LRRTM3: variants seen among roughly 807,000 people sequenced by gnomAD.
LRRTM3 encodes leucine rich repeat transmembrane neuronal 3.
A neutral mutation model predicts 44.7 loss-of-function variants in LRRTM3; 24 were observed. That is an observed-to-expected ratio of 0.54 (90% CI 0.39 to 0.76). The LOEUF (loss-of-function observed/expected upper bound fraction) is 0.76. Ranked by LOEUF, LRRTM3 falls within the 30% of genes least tolerant of loss-of-function variation. LRRTM3 has a pLI of 0.00. For synonymous variants in LRRTM3, 277 were observed against 278.7 expected (o/e 0.99, Z 0.06); for missense variants, 587 against 702.2 (o/e 0.84, Z 1.85).
At chr10:66,950,409 A>G (rs1334262251) in intron 2 of LRRTM3, among the ~76,000 whole-genome samples, 6 of 152,088 alleles carry the variant, frequency 3.9e-5, no homozygotes, top group Admixed American at 3.9e-4. Context: ...GAGATATACT[A>G]TATGTTTAAT....
intron 2 of LRRTM3, among the ~76,000 whole-genome samples, chr10:67,097,060 T>C (rs1858038669): frequency 6.6e-6 from 1 of 151,874 alleles, no homozygotes; most frequent in Non-Finnish European, 1.5e-5. Context: ...ATATAGGAAC[T>C]TGTAAGACAT....
chr10:67,042,813 A>G lies in LRRTM3; in HGVS notation c.1537-54774A>G, dbSNP rs564054573. Among the ~76,000 whole-genome samples, 3 of 152,280 alleles carry G rather than the reference A, an allele frequency of 2.0e-5. No individual in the cohort carries two copies. In the South Asian group the frequency reaches 6.2e-4, roughly 32 times the overall value. ...TGGTGTCAGTTGTCAATGATTAGATAGTCAACGAGAGTTAATTTAGTTCCA... is the reference window on the plus strand; with the variant it reads ...TGGTGTCAGTTGTCAATGATTAGATGGTCAACGAGAGTTAATTTAGTTCCA... On this transcript the variant is annotated intron_variant, in intron 2 of 2. Transcript: ENST00000361320.
intron 2 of LRRTM3, among the ~76,000 whole-genome samples, chr10:66,978,552 AATAT>A (rs1554890349): frequency 3.7e-4 from 14 of 37,880 alleles, no homozygotes; most frequent in South Asian, 1.2e-3. Flanking sequence ...AAAAAAAAAA[AATAT>A]ATATATATAT....
chr10:67,045,689 C>T (rs1382722459), intron 2 of LRRTM3, among the ~76,000 whole-genome samples: 5 of 152,164 alleles, frequency 3.3e-5, no homozygotes, highest in Admixed American at 6.5e-5. Flanking sequence ...ATGGGGCGGC[C>T]CCCAGGCGGG....
chr10:67,094,898 T>A (rs983430241), intron 2 of LRRTM3, among the ~76,000 whole-genome samples: 1 of 151,666 alleles, frequency 6.6e-6, no homozygotes, highest in African/African-American at 2.4e-5. Context: ...ATGAATCTTA[T>A]ATAGATGTCA....
intron 2 of LRRTM3, among the ~76,000 whole-genome samples, chr10:67,017,081 C>A (rs1000143286): frequency 1.3e-5 from 2 of 152,110 alleles, no homozygotes; most frequent in Non-Finnish European, 2.9e-5. Context: ...ATGGAGCTCA[C>A]AGATTTATAG....
intron 2 of LRRTM3, among the ~76,000 whole-genome samples, chr10:67,054,135 G>A (rs771136836): frequency 1.1e-4 from 16 of 151,898 alleles, no homozygotes; most frequent in Non-Finnish European, 1.3e-4. Context: ...ACATATTCAC[G>A]TAAGAAGGCA....
intron 2 of LRRTM3, among the ~76,000 whole-genome samples, chr10:67,063,910 T>C (rs1855908984): frequency 6.6e-6 from 1 of 152,196 alleles, no homozygotes; most frequent in Non-Finnish European, 1.5e-5. Flanking sequence ...ACTGATTTGA[T>C]ATGTTTATGG....
intron 2 of LRRTM3, among the ~76,000 whole-genome samples, chr10:67,022,070 G>A (rs552966081): frequency 6.6e-6 from 1 of 152,292 alleles, no homozygotes; most frequent in African/African-American, 2.4e-5. Flanking sequence ...AAATATCAGT[G>A]CTAAGACAGG....
chr10:67,030,245 C>T (rs989887532), intron 2 of LRRTM3, among the ~76,000 whole-genome samples: 1 of 152,182 alleles, frequency 6.6e-6, no homozygotes, highest in South Asian at 2.1e-4. Flanking sequence ...TTCTGCTCTA[C>T]ATAATGGTGC....
At chr10:66,950,713 C>A (rs1344378606) in intron 2 of LRRTM3, among the ~76,000 whole-genome samples, 3 of 152,064 alleles carry the variant, frequency 2.0e-5, no homozygotes, top group Non-Finnish European at 4.4e-5. Flanking sequence ...TTATAAGCAA[C>A]CTTTGTAGCT....
chr10:67,006,950 C>T (rs754575857), intron 2 of LRRTM3, among the ~76,000 whole-genome samples: 6 of 152,106 alleles, frequency 3.9e-5, no homozygotes, highest in Admixed American at 1.3e-4. Context: ...TGTGCCACCA[C>T]GTCCAGCTAA....
In LRRTM3 at chr10:67,078,806, G is replaced by A. The variant is rs190002514; in HGVS notation, c.1537-18781G>A. Among the ~76,000 whole-genome samples, 578 of 152,204 alleles carry A rather than the reference G, an allele frequency of 3.8e-3. 1 individual carries two copies. Among genetic ancestry groups the A allele is most frequent in the African/African-American group, 0.013 (531 of 41,520 alleles). ...GCTGAGATTACAGATGTGAGCCACC[G>A]CACCCGGCCCTCTGATGTCTTCTTA... On this transcript the variant is annotated intron_variant, in intron 2 of 2. Coordinates refer to ENST00000361320, the MANE Select transcript of LRRTM3 (RefSeq NM_178011.5).
intron 2 of LRRTM3, among the ~76,000 whole-genome samples, chr10:67,057,467 T>G (rs1388188899): frequency 6.6e-6 from 1 of 152,296 alleles, no homozygotes; most frequent in East Asian, 1.9e-4. Context: ...ACTCTCTGCT[T>G]CTGTGTATTC....
chr10:66,985,837 C>T (rs1850698968), intron 2 of LRRTM3, among the ~76,000 whole-genome samples: 1 of 152,104 alleles, frequency 6.6e-6, no homozygotes, highest in African/African-American at 2.4e-5. Flanking sequence ...AAGCGATTCT[C>T]ATGCCTCAGC....
At chr10:66,996,671 A>AAAAAAAAAAAAAAAAAT (rs1851370396) in intron 2 of LRRTM3, among the ~76,000 whole-genome samples, 1 of 148,366 alleles carries the variant, frequency 6.7e-6, no homozygotes, top group Non-Finnish European at 1.5e-5. Flanking sequence ...AAAAAAAAAA[A>AAAAAAAAAAAAAAAAAT]GCATGTTTGT....
Position 67,010,488 on chromosome 10 carries a change from C to T in LRRTM3, c.1536+82036C>T, listed in dbSNP as rs181080275. The stretch of plus-strand genomic sequence containing the variant: ...TCCAATTATTTTTGGCTTATCACCT[C>T]ATAGTCCCCAGATGGCTGCTATCCT... On this transcript the variant is annotated intron_variant, in intron 2 of 2. Coordinates refer to ENST00000361320, the MANE Select transcript of LRRTM3 (RefSeq NM_178011.5). 2.6e-4 allele frequency among the ~76,000 whole-genome samples: 40 copies of T among 152,330 alleles called. No individual in the cohort carries two copies. In the East Asian group the frequency reaches 6.4e-3, roughly 24 times the overall value.
chr10:66,928,412 G>T lies in LRRTM3; in HGVS notation c.1496G>T (p.Gly499Val), dbSNP rs1408594600. The change falls in exon 2 of 3, where the codon GGA (glycine) becomes GTA (valine). Residue 499 changes from glycine to valine, a missense_variant. Transcript: ENST00000361320. Reference sequence around the variant, plus strand: ...AGCGAGATGCTGCTGAATGGGACGGGACCCTGCACCTATAACAAATCGGGC... The same window carrying T: ...AGCGAGATGCTGCTGAATGGGACGGTACCCTGCACCTATAACAAATCGGGC... ...ETSEMLLNGT[G>V]PCTYNKSGSR... The T allele has an allele frequency of 9.9e-6, 16 of 1,613,090 alleles. No homozygotes were observed. The highest frequency in any genetic ancestry group is 1.2e-5 in the Non-Finnish European group (14 of 1,179,746).
chr10:67,071,963 TA>T (rs1417476261), intron 2 of LRRTM3, among the ~76,000 whole-genome samples: 3 of 152,222 alleles, frequency 2.0e-5, no homozygotes, highest in Non-Finnish European at 2.9e-5. Context: ...TTTTATTAAT[TA>T]TTTTTTTGAG....
Sources: allele counts gnomAD v4.1 joint callset (sites outside exome capture counted in the v4.1 genomes callset), GRCh38; gene constraint gnomAD v4.1.1; transcripts MANE v1.5; gene names NCBI Gene and HGNC (gene_info 2026-07-23, HGNC 2026-07-21).